Variants in MAP1A observed in about 807,000 individuals in gnomAD.
The protein encoded by MAP1A is microtubule associated protein 1A, also known as microtubule-associated protein 1A.
A neutral mutation model predicts 185.9 loss-of-function variants in MAP1A; 42 were observed. The ratio of observed to expected loss-of-function variants is 0.23; its 90% CI spans 0.18 to 0.29. The LOEUF is 0.29. Ranked by LOEUF, MAP1A falls within the 10% of genes least tolerant of loss-of-function variation. MAP1A has a pLI of 1.00. For synonymous variants in MAP1A, 1,229 were observed against 1,335.9 expected (o/e 0.92, Z 1.74); for missense variants, 2,995 against 3,450.4 (o/e 0.87, Z 3.31).
At chr15:43,511,048 G>C (rs2079273657) in exon 1 of MAP1A, 6 of 1,549,052 alleles carry the variant, frequency 3.9e-6, no homozygotes, top group Non-Finnish European at 5.2e-6. Context: ...CAACTCCGGG[G>C]CTGGGGCTCC....
In MAP1A at chr15:43,522,185, G is replaced by A; in HGVS notation, c.712G>A (p.Glu238Lys). ...GIVLPNGKEA[E>K]ISVPYLTSIT... ...CGTGCTGCCCAATGGGAAGGAGGCT[G>A]AGATCTCCGTGCCCTACCTTACCTC... Residue 238 changes from glutamate (E) to lysine (K), a missense_variant, in exon 4 of 6, where the codon GAG (glutamate) becomes AAG (lysine). Transcript: ENST00000300231. The surrounding 1 kb of genome is among the most constrained non-coding windows in gnomAD (Gnocchi z 5.9). 1 of 1,614,252 alleles carries A rather than the reference G, an allele frequency of 6.2e-7. No homozygotes were observed. The highest frequency in any genetic ancestry group is 8.5e-7 in the Non-Finnish European group (1 of 1,180,046).
At position 43,525,957 on chromosome 15, in the gene MAP1A, A is replaced by G. The variant is rs773967467; in HGVS notation, c.4484A>G (p.Lys1495Arg). Residue 1495 changes from lysine to arginine, a missense_variant, in exon 4 of 6, where the codon AAA becomes AGA. Transcript: ENST00000300231. ...CAGAAGGAGAAGATCCCAGAAGAGAAAGACAAAGCCTTAGATCAAAAAGTC... is the reference window on the plus strand; with the variant it reads ...CAGAAGGAGAAGATCCCAGAAGAGAGAGACAAAGCCTTAGATCAAAAAGTC... ...LEQKEKIPEE[K>R]DKALDQKVRS... The G allele has an allele frequency of 1.2e-6, 2 of 1,614,150 alleles. No homozygotes were observed. The highest frequency in any genetic ancestry group is 1.7e-6 in the Non-Finnish European group (2 of 1,180,034).
chr15:43,515,957 G>A (rs548014014), upstream of MAP1A, among the ~76,000 whole-genome samples: 2 of 152,346 alleles, frequency 1.3e-5, no homozygotes, highest in Admixed American at 1.3e-4. Context: ...TGCCCAGGGT[G>A]TGGCCCTTGG....
In MAP1A at chr15:43,522,062, C is replaced by T. The variant is rs1358349022; in HGVS notation, c.589C>T (p.Arg197Trp). Residue 197 changes from arginine to tryptophan, a missense_variant, in exon 4 of 6, where the codon CGG becomes TGG. Arg to Trp is a moderately radical substitution (Grantham distance 101). Coordinates refer to ENST00000300231, the MANE Select transcript of MAP1A (RefSeq NM_002373.6). This position sits in a 1 kb window ranked among gnomAD's most constrained non-coding sequence, Gnocchi z 5.9. The stretch of plus-strand genomic sequence containing the variant: ...CCTCTTCCACAAAATGGGTGTGGGC[C>T]GGCTGGACATGTATGTCCTCAACCC... ...LTLFHKMGVGRLDMYVLNPVK... is the reference protein window; with the variant it reads ...LTLFHKMGVGWLDMYVLNPVK... 4 of 1,613,984 alleles carry T rather than the reference C, an allele frequency of 2.5e-6. No individual in the cohort carries two copies. Among genetic ancestry groups the T allele is most frequent in the Non-Finnish European group, 3.4e-6 (4 of 1,180,008 alleles).
rs1475588938 is a variant in MAP1A, at chr15:43,521,470, C to T, written c.-4C>T. ...GGCTAAACCCTGAGCCCACTCTGCC[C>T]ACCATGGACGGCGTGGCTGAGTTCT... On this transcript the variant is annotated 5_prime_UTR_variant, in exon 4 of 6. Transcript: ENST00000300231. The surrounding 1 kb of genome is among the most constrained non-coding windows in gnomAD (Gnocchi z 4.6). 11 of 1,614,034 alleles carry T rather than the reference C, an allele frequency of 6.8e-6. No individual in the cohort carries two copies. In the Admixed American group the frequency reaches 1.5e-4, roughly 22 times the overall value.
In MAP1A at chr15:43,525,990, T is replaced by C. The variant is rs558214507; in HGVS notation, c.4517T>C (p.Val1506Ala). Residue 1506 changes from valine (V) to alanine (A), a missense_variant, in exon 4 of 6, where the codon GTT becomes GCT. Val to Ala is a moderately conservative substitution (Grantham distance 64). Transcript: ENST00000300231. Reference protein sequence around the residue: ...DKALDQKVRSVEHKAPEDTVA... With the variant: ...DKALDQKVRSAEHKAPEDTVA... ...GCCTTAGATCAAAAAGTCAGAAGTG[T>C]TGAACATAAGGCTCCGGAGGACACG... 6 of 1,613,894 alleles carry C rather than the reference T, an allele frequency of 3.7e-6. No individual in the cohort carries two copies. The East Asian group carries it at 1.3e-4, about 36-fold the overall frequency.
Position 43,525,444 on chromosome 15 carries a change from C to G in MAP1A, c.3971C>G (p.Ser1324Cys). The change falls in exon 4 of 6, where the codon TCC becomes TGC. Residue 1324 changes from serine to cysteine, a missense_variant. Physicochemically the swap from Ser to Cys is moderately radical, Grantham distance 112. Coordinates refer to ENST00000300231, the MANE Select transcript of MAP1A (RefSeq NM_002373.6). ...EHILTPDSSFSKSPESLPGPA... is the reference protein window; with the variant it reads ...EHILTPDSSFCKSPESLPGPA... ...ATTCTGACACCTGATAGCTCCTTCT[C>G]CAAGAGTCCTGAGTCTTTGCCAGGC... 7 of 1,614,202 alleles carry G rather than the reference C, an allele frequency of 4.3e-6. No individual in the cohort carries two copies. The highest frequency in any genetic ancestry group is 5.9e-6 in the Non-Finnish European group (7 of 1,180,034).
At position 43,529,398 on chromosome 15, in the gene MAP1A, G is replaced by A. The variant is rs756799661; in HGVS notation, c.7925G>A (p.Arg2642Gln). The A allele has an allele frequency of 1.3e-5, 21 of 1,613,868 alleles. No homozygotes were observed. The highest frequency in any genetic ancestry group is 1.6e-4 in the Middle Eastern group (1 of 6,062). ...PGKGPADRAS[R>Q]APPRPRSTTS... ...AAAGGGCCTGCAGATCGAGCATCCCGGGCCCCACCTCGACCACGCAGCACC... is the reference window on the plus strand; with the variant it reads ...AAAGGGCCTGCAGATCGAGCATCCCAGGCCCCACCTCGACCACGCAGCACC... Residue 2642 changes from arginine (R) to glutamine (Q), a missense_variant, in exon 4 of 6, where the codon CGG becomes CAG. Arg to Gln is a conservative substitution (Grantham distance 43). This residue lies in a region of MAP1A where 2,728 missense variants were observed against 2,986.0 expected (regional missense o/e 0.91). Transcript: ENST00000300231. This position sits in a 1 kb window ranked among gnomAD's most constrained non-coding sequence, Gnocchi z 4.3.
In MAP1A at chr15:43,522,519, G is replaced by T; in HGVS notation, c.1046G>T (p.Arg349Leu). ...EVVEEGAKEA[R>L]SELAKELAKT... The stretch of plus-strand genomic sequence containing the variant: ...GTAGAAGAGGGAGCCAAGGAGGCAC[G>T]TTCAGAGCTGGCCAAGGAGTTAGCC... The change falls in exon 4 of 6, where the codon CGT becomes CTT. Residue 349 changes from arginine (R) to leucine (L), a missense_variant. Arg to Leu is a moderately radical substitution (Grantham distance 102). Around this residue, in one of 3 missense-constraint regions of MAP1A, gnomAD observed 2,728 missense variants for 2,986.0 expected, o/e 0.91. Transcript: ENST00000300231. This position sits in a 1 kb window ranked among gnomAD's most constrained non-coding sequence, Gnocchi z 5.9. 7 of 1,613,166 alleles carry T rather than the reference G, an allele frequency of 4.3e-6. No individual in the cohort carries two copies. The highest frequency in any genetic ancestry group is 5.1e-6 in the Non-Finnish European group (6 of 1,179,560).
At position 43,521,926 on chromosome 15, in the gene MAP1A, A is replaced by G. The variant is rs2079320732; in HGVS notation, c.453A>G (p.Lys151=). 1 of 1,614,042 alleles carries G rather than the reference A, an allele frequency of 6.2e-7. No homozygotes were observed. The highest frequency in any genetic ancestry group is 1.1e-5 in the South Asian group (1 of 91,092). Residue 151 remains lysine, a synonymous_variant, in exon 4 of 6, where the codon AAA becomes AAG. Coordinates refer to ENST00000300231, the MANE Select transcript of MAP1A (RefSeq NM_002373.6). The surrounding 1 kb of genome is among the most constrained non-coding windows in gnomAD (Gnocchi z 4.6). ...EKLRLPDASR[K]AKRSIEEACL... is the part of the protein sequence containing the mutation. Reference sequence around the variant, plus strand: ...TGCGGCTTCCTGATGCCTCCCGGAAAGCCAAGCGTAGCATTGAGGAGGCCT... The same window carrying G: ...TGCGGCTTCCTGATGCCTCCCGGAAGGCCAAGCGTAGCATTGAGGAGGCCT...
In MAP1A at chr15:43,526,551, A is replaced by G. The variant is rs774675478; in HGVS notation, c.5078A>G (p.Gln1693Arg). The G allele has an allele frequency of 1.9e-6, 3 of 1,614,190 alleles. No homozygotes were observed. The East Asian group carries it at 6.7e-5, about 36-fold the overall frequency. Residue 1693 changes from glutamine (Q) to arginine (R), a missense_variant, in exon 4 of 6, where the codon CAG (glutamine) becomes CGG (arginine). Transcript: ENST00000300231. The surrounding 1 kb of genome is among the most constrained non-coding windows in gnomAD (Gnocchi z 4.7). ...WRGREDVALE[Q>R]DTYWRELSCE... ...GGCAGAGAGGATGTGGCCTTGGAAC[A>G]GGACACATACTGGAGGGAGCTAAGC...
upstream of MAP1A, among the ~76,000 whole-genome samples, chr15:43,517,269 A>G (rs2079301003): frequency 6.6e-6 from 1 of 152,076 alleles, no homozygotes; most frequent in Non-Finnish European, 1.5e-5. Flanking sequence ...ATGGTTTCTA[A>G]GAGAAGGGGG....
Position 43,529,506 on chromosome 15 carries a change from C to T in MAP1A, c.8033C>T (p.Pro2678Leu). The change falls in exon 4 of 6, where the codon CCA becomes CTA. Residue 2678 changes from proline to leucine, a missense_variant and splice_region_variant. By Grantham distance (98) the Pro-to-Leu change is moderately conservative. Coordinates refer to ENST00000300231, the MANE Select transcript of MAP1A (RefSeq NM_002373.6). The surrounding 1 kb of genome is among the most constrained non-coding windows in gnomAD (Gnocchi z 4.3). Reference sequence around the variant, plus strand: ...CTAGTCAATGGACTCAAGGCAGGACCAAGTAAGTATATCATGAAACTTGGC... The same window carrying T: ...CTAGTCAATGGACTCAAGGCAGGACTAAGTAAGTATATCATGAAACTTGGC... ...KGLVNGLKAG[P>L]MALSSKGSSG... 1 of 1,603,034 alleles carries T rather than the reference C, an allele frequency of 6.2e-7. No individual in the cohort carries two copies. The highest frequency in any genetic ancestry group is 8.5e-7 in the Non-Finnish European group (1 of 1,173,038).
upstream of MAP1A, among the ~76,000 whole-genome samples, chr15:43,516,792 C>T (rs1027728910): frequency 6.6e-6 from 1 of 152,156 alleles, no homozygotes; most frequent in Non-Finnish European, 1.5e-5. Context: ...AATAATTGGC[C>T]TACAACCTTG....
chr15:43,513,156 G>T (rs569087820), upstream of MAP1A, among the ~76,000 whole-genome samples: 1 of 152,078 alleles, frequency 6.6e-6, no homozygotes, highest in Admixed American at 6.5e-5. Flanking sequence ...GAGAAACCCC[G>T]CCTCTACTAA....
In MAP1A at chr15:43,525,961, C is replaced by T. The variant is rs1369247685; in HGVS notation, c.4488C>T (p.Asp1496=). The part of the protein sequence containing the change: ...EQKEKIPEEK[D]KALDQKVRSV... ...AGGAGAAGATCCCAGAAGAGAAAGA[C>T]AAAGCCTTAGATCAAAAAGTCAGAA... is the stretch of plus-strand genomic sequence containing the variant. Residue 1496 remains aspartate, a synonymous_variant, in exon 4 of 6, where the codon GAC becomes GAT. Transcript: ENST00000300231. The T allele has an allele frequency of 2.5e-6, 4 of 1,613,948 alleles. No individual in the cohort carries two copies. The African/African-American group carries it at 5.3e-5, about 22-fold the overall frequency.
Position 43,527,945 on chromosome 15 carries a change from C to G in MAP1A, c.6472C>G (p.Arg2158Gly). ...PPLDSHLGPA[R>G]PSLDFPASAF... Reference sequence around the variant, plus strand: ...CTTGGACTCACACCTGGGGCCTGCCCGACCCAGTCTGGACTTCCCTGCTTC... The same window carrying G: ...CTTGGACTCACACCTGGGGCCTGCCGGACCCAGTCTGGACTTCCCTGCTTC... The change falls in exon 4 of 6, where the codon CGA (arginine) becomes GGA (glycine). Residue 2158 changes from arginine to glycine, a missense_variant. Transcript: ENST00000300231. 6.2e-7 allele frequency: 1 copy of G among 1,614,084 alleles called. No individual in the cohort carries two copies. Among genetic ancestry groups the G allele is most frequent in the South Asian group, 1.1e-5 (1 of 91,084 alleles).
chr15:43,526,268 A>G lies in MAP1A; in HGVS notation c.4795A>G (p.Lys1599Glu). The change falls in exon 4 of 6, where the codon AAA becomes GAA. Residue 1599 changes from lysine to glutamate, a missense_variant. Lys to Glu is a moderately conservative substitution (Grantham distance 56). This residue lies in a region of MAP1A where 2,728 missense variants were observed against 2,986.0 expected (regional missense o/e 0.91). Transcript: ENST00000300231. The surrounding 1 kb of genome is among the most constrained non-coding windows in gnomAD (Gnocchi z 4.7). The stretch of plus-strand genomic sequence containing the variant: ...CAGGAAACCAAAGATGCTAGAGGAA[A>G]AATCCCCAGAAAAGGTCAAGGCCAT... ...KTRKPKMLEE[K>E]SPEKVKAMEE... is the part of the protein sequence containing the mutation. 4 of 1,614,196 alleles carry G rather than the reference A, an allele frequency of 2.5e-6. No homozygotes were observed. The highest frequency in any genetic ancestry group is 3.4e-6 in the Non-Finnish European group (4 of 1,180,028).
rs2079317089 is a variant in MAP1A, at chr15:43,521,011, C to A, written c.-252C>A. 2 of 1,550,060 alleles carry A rather than the reference C, an allele frequency of 1.3e-6. No individual in the cohort carries two copies. Among genetic ancestry groups the A allele is most frequent in the African/African-American group, 2.7e-5 (2 of 73,032 alleles). On this transcript the variant is annotated 5_prime_UTR_variant, in exon 3 of 6. Transcript: ENST00000300231. This position sits in a 1 kb window ranked among gnomAD's most constrained non-coding sequence, Gnocchi z 4.6. The stretch of plus-strand genomic sequence containing the variant: ...TAGCAGCTCATCAGCTTATAAACTA[C>A]TAATCTTGAGTGGGCAAAGTTTAGA...
Sources: gnomAD v4.1 joint callset for allele counts (sites outside exome capture counted in the v4.1 genomes callset) on GRCh38, gnomAD v4.1.1 for gene constraint, gnomAD v4.1.1 regional missense constraint, Gnocchi (gnomAD v3.1) non-coding constraint, MANE v1.5 for transcripts, NCBI Gene and HGNC (gene_info 2026-07-23, HGNC 2026-07-21) for gene names.